Variants in CBFA2T3 observed in about 807,000 individuals in gnomAD.
The protein encoded by CBFA2T3 is transcriptional corepressor CBFA2T3.
A neutral mutation model predicts 58.6 loss-of-function variants in CBFA2T3; 31 were observed. The ratio of observed to expected loss-of-function variants is 0.53; its 90% CI spans 0.40 to 0.71. The LOEUF (loss-of-function observed/expected upper bound fraction) is 0.71, where lower values mean the gene tolerates loss of function less well. CBFA2T3 is among the 30% of genes least tolerant of loss of function. The pLI, the probability that CBFA2T3 is intolerant of heterozygous loss-of-function variation, is 0.00. For missense variants in CBFA2T3, 1,076 were observed against 963.1 expected (o/e 1.12, Z -1.55); for synonymous variants, 531 against 421.9 (o/e 1.26, Z -3.17).
intron 1 of CBFA2T3, among the ~76,000 whole-genome samples, chr16:88,944,496 C>T (rs1041840546): frequency 2.0e-5 from 3 of 152,170 alleles, no homozygotes; most frequent in Admixed American, 6.5e-5. Flanking sequence ...CGGCGCACAG[C>T]GGGGCAGCCC....
At position 88,953,771 on chromosome 16, in the gene CBFA2T3, G is replaced by A. The variant is rs996069053; in HGVS notation, c.151+22886C>T. On this transcript the variant is annotated intron_variant, in intron 1 of 11. Transcript: ENST00000268679. The surrounding 1 kb of genome is among the most constrained non-coding windows in gnomAD (Gnocchi z 4.9). ...GAAAATAAACATTTGGGTTTATTTCGCTGTGACTGCACCCCCTGAATCTTA... is the reference window on the plus strand; with the variant it reads ...GAAAATAAACATTTGGGTTTATTTCACTGTGACTGCACCCCCTGAATCTTA... 6.6e-6 allele frequency among the ~76,000 whole-genome samples: 1 copy of A among 152,126 alleles called. No individual in the cohort carries two copies. Among genetic ancestry groups the A allele is most frequent in the African/African-American group, 2.4e-5 (1 of 41,406 alleles).
intron 3 of CBFA2T3, among the ~76,000 whole-genome samples, chr16:88,895,703 A>G (rs7188525): frequency 0.24 from 36,663 of 151,940 alleles, 5,182 homozygotes; most frequent in East Asian, 0.44. Flanking sequence ...ACAGATACCC[A>G]CTGCAGGGGC....
At chr16:88,888,907 C>T (rs888997005) in intron 5 of CBFA2T3, among the ~76,000 whole-genome samples, 8 of 151,766 alleles carry the variant, frequency 5.3e-5, no homozygotes, top group South Asian at 4.1e-4. Flanking sequence ...ACGGCCCTCA[C>T]GAGAGCCGGG....
intron 5 of CBFA2T3, among the ~76,000 whole-genome samples, chr16:88,889,447 T>G (rs978916265): frequency 6.6e-6 from 1 of 150,914 alleles, no homozygotes; most frequent in Non-Finnish European, 1.5e-5. Flanking sequence ...GTGGGTGTGA[T>G]GTGGGGTCCC....
chr16:88,963,364 G>A (rs1972418698), intron 1 of CBFA2T3, among the ~76,000 whole-genome samples: 1 of 147,264 alleles, frequency 6.8e-6, no homozygotes, highest in Admixed American at 6.8e-5. Flanking sequence ...AGAATGTTAA[G>A]ATCTTTTAAA....
chr16:88,878,045 C>T (rs890319690), intron 11 of CBFA2T3, among the ~76,000 whole-genome samples: 9 of 152,248 alleles, frequency 5.9e-5, no homozygotes, highest in African/African-American at 2.2e-4. Context: ...CACTGCCAGG[C>T]ACAGTCCCCG....
Position 88,944,475 on chromosome 16 carries a change from T to A in CBFA2T3, c.151+32182A>T, listed in dbSNP as rs949556147. ...GAAGCCCTGGGAGACCGTGCCTGGCTCTAGGGCCCGCGGCGCACAGCGGGG... is the reference window on the plus strand; with the variant it reads ...GAAGCCCTGGGAGACCGTGCCTGGCACTAGGGCCCGCGGCGCACAGCGGGG... On this transcript the variant is annotated intron_variant, in intron 1 of 11. Transcript: ENST00000268679. Among the ~76,000 whole-genome samples the A allele has an allele frequency of 2.0e-5, 3 of 151,734 alleles. No individual in the cohort carries two copies. In the East Asian group the frequency reaches 5.8e-4, roughly 29 times the overall value.
chr16:88,888,365 C>G (rs1410752988), intron 5 of CBFA2T3, among the ~76,000 whole-genome samples: 1 of 143,454 alleles, frequency 7.0e-6, no homozygotes, highest in Non-Finnish European at 1.5e-5. Flanking sequence ...CCCAAGGGGA[C>G]TGGCTGGGGG....
At chr16:88,930,493 T>C (rs1325786077) in intron 1 of CBFA2T3, among the ~76,000 whole-genome samples, 1 of 151,828 alleles carries the variant, frequency 6.6e-6, no homozygotes, top group Non-Finnish European at 1.5e-5. Context: ...TTCTGCACAG[T>C]GCAGTGCAGC....
intron 1 of CBFA2T3, among the ~76,000 whole-genome samples, chr16:88,916,251 C>A (rs530636678): frequency 1.4e-5 from 2 of 147,924 alleles, no homozygotes; most frequent in South Asian, 4.2e-4. Flanking sequence ...TGTGTGTATT[C>A]ATGCGTGTGC....
chr16:88,895,982 T>C (rs1368514920), intron 3 of CBFA2T3, among the ~76,000 whole-genome samples: 1 of 152,170 alleles, frequency 6.6e-6, no homozygotes, highest in Non-Finnish European at 1.5e-5. Flanking sequence ...GTGACCTCCT[T>C]TGTACTGTGT....
Position 88,964,511 on chromosome 16 carries a change from G to T in CBFA2T3, c.151+12146C>A, listed in dbSNP as rs570934939. Among the ~76,000 whole-genome samples the T allele has an allele frequency of 1.9e-4, 29 of 152,276 alleles. No homozygotes were observed. In the South Asian group the frequency reaches 5.8e-3, roughly 30 times the overall value. On this transcript the variant is annotated intron_variant, in intron 1 of 11. Transcript: ENST00000268679. ...GATTGCACTTCACTAATTCCCACTC[G>T]TCAGGTTCCGTGTGGCTTTCCTTCT...
At chr16:88,976,069 G>C (rs1279350737) in intron 1 of CBFA2T3, among the ~76,000 whole-genome samples, 6 of 152,210 alleles carry the variant, frequency 3.9e-5, no homozygotes, top group Admixed American at 1.3e-4. Context: ...GCAATAGCTG[G>C]CGTCCTGCTG....
At chr16:88,917,847 C>T (rs561955488) in intron 1 of CBFA2T3, among the ~76,000 whole-genome samples, 6 of 151,426 alleles carry the variant, frequency 4.0e-5, no homozygotes, top group South Asian at 2.1e-4. Flanking sequence ...TGGGTGTGGA[C>T]GACAGAGTGG....
At chr16:88,878,409 C>G (rs746059570) in intron 11 of CBFA2T3, among the ~76,000 whole-genome samples, 1 of 152,236 alleles carries the variant, frequency 6.6e-6, no homozygotes, top group African/African-American at 2.4e-5. Flanking sequence ...GATAGAGATC[C>G]GCCCTATCTC....
At chr16:88,961,426 C>T (rs950554796) in intron 1 of CBFA2T3, among the ~76,000 whole-genome samples, 1 of 146,182 alleles carries the variant, frequency 6.8e-6, no homozygotes, top group Non-Finnish European at 1.5e-5. Context: ...TAGTAACCGA[C>T]CTCAGCGCTG....
At chr16:88,920,433 T>C (rs1314458641) in intron 1 of CBFA2T3, among the ~76,000 whole-genome samples, 2 of 149,288 alleles carry the variant, frequency 1.3e-5, no homozygotes, top group African/African-American at 2.5e-5. Context: ...CCCACCACCA[T>C]ACCCGGCCAA....
intron 11 of CBFA2T3, among the ~76,000 whole-genome samples, chr16:88,877,933 G>C (rs907514294): frequency 6.6e-6 from 1 of 152,208 alleles, no homozygotes; most frequent in Non-Finnish European, 1.5e-5. Flanking sequence ...TGCCCTAGGG[G>C]AGAAGCCCAG....
At chr16:88,919,893 T>C (rs556726221) in intron 1 of CBFA2T3, among the ~76,000 whole-genome samples, 7 of 152,196 alleles carry the variant, frequency 4.6e-5, no homozygotes, top group Non-Finnish European at 8.8e-5. Context: ...AAGGGGCCAA[T>C]GATAGCGTCT....
Sources: gnomAD v4.1 joint callset for allele counts (sites outside exome capture counted in the v4.1 genomes callset) on GRCh38, gnomAD v4.1.1 for gene constraint, Gnocchi (gnomAD v3.1) non-coding constraint, MANE v1.5 for transcripts, NCBI Gene and HGNC (gene_info 2026-07-23, HGNC 2026-07-21) for gene names.